AACS: variants seen among roughly 807,000 people sequenced by gnomAD.
AACS encodes the protein acetoacetate-CoA ligase.
In AACS, 69 loss-of-function variants were observed where a neutral mutation model predicts 83.1. That is an observed-to-expected ratio of 0.83 (90% confidence interval 0.68 to 1.01). The LOEUF (loss-of-function observed/expected upper bound fraction) is 1.01, where lower values mean the gene tolerates loss of function less well. AACS is among the 50% of genes least tolerant of loss of function. AACS has a pLI of 0.00. For synonymous variants in AACS, 333 were observed against 343.4 expected (o/e 0.97, Z 0.33); for missense variants, 866 against 882.2 (o/e 0.98, Z 0.23).
At chr12:125,133,735 T>G (rs1244444698) in intron 14 of AACS, among the ~76,000 whole-genome samples, 5 of 152,254 alleles carry the variant, frequency 3.3e-5, no homozygotes. Context: ...AGCTTGGTCC[T>G]GCCCTCTGTG....
intron 8 of AACS, among the ~76,000 whole-genome samples, chr12:125,109,034 G>A (rs1956894291): frequency 6.6e-6 from 1 of 151,978 alleles, no homozygotes; most frequent in South Asian, 2.1e-4. Flanking sequence ...AATACCTAGA[G>A]AACCTCTAGA....
chr12:125,081,391 CCTTA>C (rs1297255006), intron 3 of AACS, among the ~76,000 whole-genome samples: 2 of 152,202 alleles, frequency 1.3e-5, no homozygotes, highest in Non-Finnish European at 2.9e-5. Context: ...AAATCGCATC[CCTTA>C]CTTAAGCAAG....
rs757356881 is a variant in AACS at position 125,107,106 on chromosome 12, C to T, written c.768-15C>T. ...GGGACGTTCATGGCGTGTTTCCCTG[C>T]GTTTCGGCCCACAGTGTGTTTCTGG... On this transcript the variant is annotated splice_polypyrimidine_tract_variant and intron_variant, in intron 7 of 17. Coordinates refer to ENST00000316519, the MANE Select transcript of AACS (RefSeq NM_023928.5). 1.3e-4 allele frequency: 203 copies of T among 1,613,870 alleles called. 2 individuals are homozygous for T. In the Admixed American group the frequency reaches 3.0e-3, roughly 24 times the overall value.
chr12:125,128,241 C>A lies in AACS; in HGVS notation c.1390C>A (p.Leu464Met). The change falls in exon 13 of 18, where the codon CTG (leucine) becomes ATG (methionine). Residue 464 changes from leucine (L) to methionine (M), a missense_variant. By Grantham distance (15) the Leu-to-Met change is conservative (BLOSUM62 2). Coordinates refer to ENST00000316519, the MANE Select transcript of AACS (RefSeq NM_023928.5). ...VYKGEIQARNLGMAVEAWNEE... is the reference protein window; with the variant it reads ...VYKGEIQARNMGMAVEAWNEE... ...TAAAGGGGAGATTCAGGCCCGGAAC[C>A]TGGGCATGGCCGTGGAAGCGTGGAA... 1 of 1,612,916 alleles carries A rather than the reference C, an allele frequency of 6.2e-7. No homozygotes were observed. Among genetic ancestry groups the A allele is most frequent in the Non-Finnish European group, 8.5e-7 (1 of 1,179,202 alleles).
intron 5 of AACS, among the ~76,000 whole-genome samples, chr12:125,092,239 A>G (rs998219751): frequency 6.6e-6 from 1 of 152,208 alleles, no homozygotes; most frequent in Non-Finnish European, 1.5e-5. Context: ...CTGTTACAGG[A>G]CATGCAGCAT....
At chr12:125,091,191 A>G in intron 4 of AACS, 1 of 541,604 alleles carries the variant, frequency 1.8e-6, no homozygotes, top group Admixed American at 3.0e-5. Flanking sequence ...GAGGGAGGAG[A>G]GCCCACGGGG....
At chr12:125,119,105 G>A (rs182842478) in intron 10 of AACS, among the ~76,000 whole-genome samples, 38 of 152,308 alleles carry the variant, frequency 2.5e-4, no homozygotes, top group African/African-American at 8.9e-4. Context: ...CGTAAGGCAC[G>A]CGGCATGGTA....
intron 3 of AACS, among the ~76,000 whole-genome samples, chr12:125,077,926 C>CT (rs1445522885): frequency 6.6e-6 from 1 of 152,170 alleles, no homozygotes; most frequent in Non-Finnish European, 1.5e-5. Context: ...CCAGGCTGGT[C>CT]TCGAACTCCT....
chr12:125,076,166 G>A (rs890199638), intron 2 of AACS, among the ~76,000 whole-genome samples: 4 of 152,220 alleles, frequency 2.6e-5, no homozygotes, highest in Admixed American at 1.3e-4. Flanking sequence ...GTTTCCATGC[G>A]TCTGGGCAGA....
intron 17 of AACS, chr12:125,141,720 A>G: frequency 5.7e-6 from 1 of 175,322 alleles, no homozygotes; most frequent in Non-Finnish European, 1.2e-5. Flanking sequence ...AGAAAAAAAA[A>G]GAAAAAAAGA....
At chr12:125,086,585 G>T (rs1371071907) in intron 4 of AACS, 142 bp downstream of exon 4, 1 of 725,064 alleles carries the variant, frequency 1.4e-6, no homozygotes, top group African/African-American at 1.8e-5. Flanking sequence ...CTACATGCAA[G>T]GAGAAAAAAT....
intron 7 of AACS, among the ~76,000 whole-genome samples, chr12:125,106,162 G>T (rs545520525): frequency 6.6e-6 from 1 of 152,214 alleles, no homozygotes; most frequent in South Asian, 2.1e-4. Context: ...TGCAGGCTGC[G>T]TTTAACTGAT....
In AACS at chr12:125,091,291, G is replaced by A; in HGVS notation, c.473-135G>A. ...CAGGCGATTCATCTGGGCGGGGGCT[G>A]GTGGTCAGGATCCTCAGGCAGTTCA... On this transcript the variant is annotated intron_variant, in intron 4 of 17. Coordinates refer to ENST00000316519, the MANE Select transcript of AACS (RefSeq NM_023928.5). 3.8e-6 allele frequency: 3 copies of A among 787,156 alleles called. No individual in the cohort carries two copies. In the Admixed American group the frequency reaches 6.2e-5, roughly 16 times the overall value. The allele number at this position is 787,156 out of a possible 1,614,324, so 48.8% of individuals were successfully genotyped here. A position where few individuals can be genotyped will look rare whatever the true frequency, so the allele number is the denominator to read the frequency against.
Position 125,136,685 on chromosome 12 carries a change from G to A in AACS, c.1702G>A (p.Asp568Asn), listed in dbSNP as rs779873432. Residue 568 changes from aspartate to asparagine, a missense_variant, in exon 17 of 18, where the codon GAC (aspartate) becomes AAC (asparagine). By Grantham distance (23) the Asp-to-Asn change is conservative. Transcript: ENST00000316519. ...NIVESFEEVE[D>N]SLCVPQYNKY... ...AGTGGAATCCTTCGAGGAGGTGGAG[G>A]ACAGCCTGTGTGTCCCCCAGTATAA... is the stretch of plus-strand genomic sequence containing the variant. 3.7e-6 allele frequency: 6 copies of A among 1,613,968 alleles called. No individual in the cohort carries two copies. Among genetic ancestry groups the A allele is most frequent in the Non-Finnish European group, 4.2e-6 (5 of 1,180,020 alleles).
intron 5 of AACS, among the ~76,000 whole-genome samples, chr12:125,096,655 T>C (rs1956614866): frequency 6.6e-6 from 1 of 152,176 alleles, no homozygotes; most frequent in Non-Finnish European, 1.5e-5. Context: ...ATGTGTTACC[T>C]TGATATTTGC....
rs1313774326 is a variant in AACS at position 125,065,438 on chromosome 12, C to T, written c.-147C>T. ...CAGGAGGCGGCGGCGGCCGTTCAGT[C>T]CCTTGTTCCCCGCCGCCGCCGTCGC... On this transcript the variant is annotated 5_prime_UTR_variant, in exon 1 of 18. Coordinates refer to ENST00000316519, the MANE Select transcript of AACS (RefSeq NM_023928.5). 24 of 853,394 alleles carry T rather than the reference C, an allele frequency of 2.8e-5. No homozygotes were observed. Among genetic ancestry groups the T allele is most frequent in the South Asian group, 2.4e-4 (8 of 33,928 alleles). The allele number at this position is 853,394 out of a possible 1,614,324, so 52.9% of individuals were successfully genotyped here. A position where few individuals can be genotyped will look rare whatever the true frequency, so the allele number is the denominator to read the frequency against.
chr12:125,136,901 A>G (rs750493870), intron 17 of AACS, 37 bp downstream of exon 17: 8 of 1,602,744 alleles, frequency 5.0e-6, no homozygotes, highest in Non-Finnish European at 5.1e-6. Context: ...GACCGCAGCC[A>G]TCGCCCCACG....
At chr12:125,081,490 C>T (rs574595464) in intron 3 of AACS, among the ~76,000 whole-genome samples, 172 of 152,306 alleles carry the variant, frequency 1.1e-3, no homozygotes, top group Non-Finnish European at 2.0e-3. Context: ...TGTTCCTTAC[C>T]CAGCTGGGTG....
At chr12:125,125,071 C>A in intron 12 of AACS, 47 bp downstream of exon 12, 1 of 1,612,208 alleles carries the variant, frequency 6.2e-7, no homozygotes, top group South Asian at 1.1e-5. Context: ...CCGCCGGCCC[C>A]ATAAGTATGC....
Sources: allele counts gnomAD v4.1 joint callset (sites outside exome capture counted in the v4.1 genomes callset), GRCh38; gene constraint gnomAD v4.1.1; transcripts MANE v1.5; gene names NCBI Gene and HGNC (gene_info 2026-07-23, HGNC 2026-07-21).